The following ANK3 variants were observed in gnomAD, a reference collection of about 807,000 sequenced individuals.
The protein encoded by ANK3 is ankyrin-3.
In ANK3, 57 loss-of-function variants were observed where a neutral mutation model predicts 370.9. The observed-to-expected ratio is 0.15, with a 90% CI of 0.12 to 0.19. The LOEUF (loss-of-function observed/expected upper bound fraction) is 0.19. ANK3 is among the 10% of genes least tolerant of loss of function. The pLI is 1.00. For synonymous variants in ANK3, 1,929 were observed against 1,946.3 expected (o/e 0.99, Z 0.23); for missense variants, 4,439 against 5,302.1 (o/e 0.84, Z 5.06).
chr10:60,597,008 A>T (rs1567171372), intron 2 of ANK3, among the ~76,000 whole-genome samples: 1 of 152,330 alleles, frequency 6.6e-6, no homozygotes, highest in East Asian at 1.9e-4. Context: ...GCATAAAAAG[A>T]TTCAATCAAT....
intron 2 of ANK3, chr10:60,508,482 T>C (rs574043730): frequency 6.5e-6 from 1 of 152,720 alleles, no homozygotes; most frequent in South Asian, 2.1e-4. Flanking sequence ...ACCCTCTCTC[T>C]TAGGACACAC....
At chr10:60,047,886 A>G (rs1042451717) in intron 42 of ANK3, among the ~76,000 whole-genome samples, 2 of 152,232 alleles carry the variant, frequency 1.3e-5, no homozygotes, top group African/African-American at 4.8e-5. Context: ...ATCAAATTGT[A>G]TAGAGATCAG....
intron 24 of ANK3, among the ~76,000 whole-genome samples, chr10:60,136,575 AT>A (rs1339909623): frequency 1.3e-5 from 2 of 152,302 alleles, no homozygotes; most frequent in East Asian, 3.9e-4. Flanking sequence ...TTTTAATTTC[AT>A]TTTTAAATGT....
intron 16 of ANK3, among the ~76,000 whole-genome samples, chr10:60,193,912 CG>C (rs1173086565): frequency 1.3e-5 from 2 of 152,008 alleles, no homozygotes; most frequent in Non-Finnish European, 2.9e-5. Context: ...CTTGAGGTTG[CG>C]AGTTTGAGAC....
At chr10:60,259,973 G>A (rs1056973455) in intron 7 of ANK3, among the ~76,000 whole-genome samples, 20 of 152,108 alleles carry the variant, frequency 1.3e-4, no homozygotes, top group African/African-American at 4.8e-4. Flanking sequence ...AACACAATAA[G>A]AAAAATTGTG....
At chr10:60,186,347 CTTTTT>C (rs1555089883) in intron 17 of ANK3, among the ~76,000 whole-genome samples, 1 of 133,266 alleles carries the variant, frequency 7.5e-6, no homozygotes, top group Non-Finnish European at 1.6e-5. Context: ...ATCTTTCTGT[CTTTTT>C]TTTTTTTTTT....
intron 2 of ANK3, among the ~76,000 whole-genome samples, chr10:60,413,915 T>G (rs1416843188): frequency 6.6e-6 from 1 of 152,156 alleles, no homozygotes; most frequent in African/African-American, 2.4e-5. Flanking sequence ...GAGGATCACT[T>G]GAGCCTAGGA....
At chr10:60,179,028 G>T (rs1410683057) in intron 18 of ANK3, among the ~76,000 whole-genome samples, 1 of 152,152 alleles carries the variant, frequency 6.6e-6, no homozygotes, top group Non-Finnish European at 1.5e-5. Context: ...AAGAGGTCTT[G>T]ATATTTTTAT....
intron 1 of ANK3, among the ~76,000 whole-genome samples, chr10:60,316,307 T>A (rs1046957877): frequency 1.2e-4 from 18 of 152,264 alleles, no homozygotes; most frequent in African/African-American, 3.9e-4. Flanking sequence ...AAACTAGATG[T>A]CCTCACACAA....
rs2082397876 is a variant in ANK3 at position 60,069,943 on chromosome 10, CT to C, written c.10937del (p.Gln3646ArgfsTer22). 2.5e-6 allele frequency: 4 copies of C among 1,614,044 alleles called. No individual in the cohort carries two copies. Among genetic ancestry groups the C allele is most frequent in the African/African-American group, 1.3e-5 (1 of 74,932 alleles). ...EHTSEGKSGD[Q>X]GEGDKSMVTA... is the part of the protein sequence containing the mutation. ...TGACCATACTTTTATCCCCTTCCCC[CT>C]GGTCCCCTGACTTCCCTTCAGAAGT... On this transcript the variant is annotated frameshift_variant, in exon 37 of 44. Transcript: ENST00000280772. LOFTEE classifies it high-confidence loss of function.
At chr10:60,062,392 A>G (rs2080744989) in intron 40 of ANK3, 1 of 152,252 alleles carries the variant, frequency 6.6e-6, no homozygotes, top group Non-Finnish European at 1.5e-5. Flanking sequence ...AGAAAGCACA[A>G]TTTACATAAT....
chr10:60,179,599 G>T (rs2096084501), intron 18 of ANK3, among the ~76,000 whole-genome samples: 1 of 152,062 alleles, frequency 6.6e-6, no homozygotes, highest in Admixed American at 6.5e-5. Flanking sequence ...GGAGGCTGAG[G>T]TGGGATTGCT....
intron 16 of ANK3, among the ~76,000 whole-genome samples, chr10:60,192,004 G>T (rs368583088): frequency 6.6e-6 from 1 of 152,238 alleles, no homozygotes; most frequent in Non-Finnish European, 1.5e-5. Flanking sequence ...TGCCTCCCGG[G>T]TTTCAGTGAT....
intron 7 of ANK3, among the ~76,000 whole-genome samples, chr10:60,236,402 T>G (rs1487941027): frequency 1.3e-5 from 2 of 152,138 alleles, no homozygotes; most frequent in South Asian, 2.1e-4. Context: ...GGTCGACATA[T>G]TGCATTAGGT....
rs1419105364 is a variant in ANK3, at chr10:60,403,395, C to T, written c.97-123756G>A. On this transcript the variant is annotated intron_variant, in intron 2 of 43. Coordinates refer to the ANK3 transcript ENST00000373827. ...ACCTAGTAAGCAAATTACAGATATG[C>T]ACACATACACACCCCAGACTGATCT... Among the ~76,000 whole-genome samples the T allele has an allele frequency of 3.9e-4, 60 of 152,184 alleles. 1 individual carries two copies. The highest frequency in any genetic ancestry group is 2.9e-5 in the Non-Finnish European group (2 of 68,030).
intron 28 of ANK3, among the ~76,000 whole-genome samples, chr10:60,104,119 C>T (rs1210461176): frequency 6.6e-6 from 1 of 151,950 alleles, no homozygotes; most frequent in Non-Finnish European, 1.5e-5. Context: ...CAAAAAGTAA[C>T]TAGTAGGTAC....
At chr10:60,281,631 G>GA (rs1566228019) in intron 1 of ANK3, among the ~76,000 whole-genome samples, 13 of 152,174 alleles carry the variant, frequency 8.5e-5, no homozygotes, top group African/African-American at 1.2e-4. Context: ...GTGCCTGTAA[G>GA]TTTTTTGTGA....
chr10:60,173,281 T>C, intron 18 of ANK3, 95 bp from the exon 19 acceptor site: 1 of 1,021,766 alleles, frequency 9.8e-7, no homozygotes, highest in Non-Finnish European at 1.4e-6. Flanking sequence ...TAACCTTTCT[T>C]TTTGAGCTGG....
rs9888033 is a variant in ANK3, at chr10:60,042,792, A to T, written c.13066-33T>A. ...AGGAGTGTACATATTAAGATTTCACAGTGAAACAGTGTTAGTTATAAAGCA... is the reference window on the plus strand; with the variant it reads ...AGGAGTGTACATATTAAGATTTCACTGTGAAACAGTGTTAGTTATAAAGCA... On this transcript the variant is annotated intron_variant, in intron 42 of 43. Coordinates refer to ENST00000280772, the MANE Select transcript of ANK3 (RefSeq NM_020987.5). 933,307 of 1,608,346 alleles carry T rather than the reference A, an allele frequency of 0.58. 272,233 individuals are homozygous for T. Among genetic ancestry groups the T allele is most frequent in the East Asian group, 0.74 (33,153 of 44,788 alleles).
Sources: allele counts gnomAD v4.1 joint callset (sites outside exome capture counted in the v4.1 genomes callset), GRCh38; gene constraint gnomAD v4.1.1; transcripts MANE v1.5; gene names NCBI Gene and HGNC (gene_info 2026-07-23, HGNC 2026-07-21).